Variants in TP73 observed in about 807,000 individuals in gnomAD.
TP73 encodes tumor protein p73.
TP73 carries 25 observed loss-of-function variants against 62.5 expected under a neutral mutation model. The observed-to-expected ratio is 0.40, with a 90% CI of 0.29 to 0.56. The LOEUF is 0.56. Among genes scored for constraint, TP73 ranks in the 20% least tolerant of loss-of-function variants. The pLI, the probability that TP73 is intolerant of heterozygous loss-of-function variation, is 0.46. For synonymous variants in TP73, 423 were observed against 377.5 expected (o/e 1.12, Z -1.40); for missense variants, 754 against 913.3 (o/e 0.83, Z 2.25).
intron 1 of TP73, among the ~76,000 whole-genome samples, chr1:3,679,718 GTC>G (rs1393576362): frequency 2.4e-4 from 33 of 136,412 alleles, no homozygotes; most frequent in Non-Finnish European, 3.6e-4. Flanking sequence ...GTCTCTCTCC[GTC>G]TCTCTTTGTC....
At chr1:3,716,583 A>AGGGAG (rs1640613510) in intron 4 of TP73, among the ~76,000 whole-genome samples, 2 of 152,164 alleles carry the variant, frequency 1.3e-5, no homozygotes, top group African/African-American at 2.4e-5. Flanking sequence ...CCTCCCTGAC[A>AGGGAG]TCTGTCAGAG....
intron 1 of TP73, among the ~76,000 whole-genome samples, chr1:3,657,107 G>A (rs1644881760): frequency 6.6e-6 from 1 of 152,252 alleles, no homozygotes; most frequent in African/African-American, 2.4e-5. Context: ...GGGTCACTTT[G>A]TAAGTTTTCT....
rs146782600 is a variant in TP73, at chr1:3,733,068, G to A, written c.1900G>A (p.Glu634Lys). ...QPIKEEFTEA[E>K]IH Reference sequence around the variant, plus strand: ...CATCAAGGAGGAGTTCACGGAGGCCGAGATCCACTGAGGGCCTCGCCTGGC... The same window carrying A: ...CATCAAGGAGGAGTTCACGGAGGCCAAGATCCACTGAGGGCCTCGCCTGGC... The change falls in exon 14 of 14, where the codon GAG (glutamate) becomes AAG (lysine). Residue 634 changes from glutamate (E) to lysine (K), a missense_variant. Glu to Lys is a moderately conservative substitution (Grantham distance 56). This residue lies in a region of TP73 where 458 missense variants were observed against 528.7 expected (regional missense o/e 0.87). Coordinates refer to ENST00000378295, the MANE Select transcript of TP73 (RefSeq NM_005427.4). The A allele has an allele frequency of 4.5e-5, 69 of 1,535,054 alleles. No homozygotes were observed. The highest frequency in any genetic ancestry group is 1.7e-4 in the Middle Eastern group (1 of 5,976).
intron 4 of TP73, among the ~76,000 whole-genome samples, chr1:3,717,082 G>C (rs970125260): frequency 1.3e-5 from 2 of 152,242 alleles, no homozygotes; most frequent in African/African-American, 2.4e-5. Flanking sequence ...GCTGGTTAAC[G>C]GTATTTGCGG....
At chr1:3,717,049 T>A (rs1640656006) in intron 4 of TP73, among the ~76,000 whole-genome samples, 1 of 152,222 alleles carries the variant, frequency 6.6e-6, no homozygotes, top group Non-Finnish European at 1.5e-5. Context: ...TCTTCCAGAA[T>A]CTGTTGCAAC....
intron 1 of TP73, among the ~76,000 whole-genome samples, chr1:3,679,638 G>C (rs947500877): frequency 6.1e-5 from 9 of 146,342 alleles, no homozygotes; most frequent in Admixed American, 4.8e-4. Context: ...CTGTCTCTCT[G>C]TCTCTGTCTC....
chr1:3,730,247 G>A (rs1642026949), intron 11 of TP73, 99 bp downstream of exon 11: 2 of 1,329,034 alleles, frequency 1.5e-6, no homozygotes, highest in East Asian at 2.7e-5. Flanking sequence ...CCCAGGGCAG[G>A]TGTCTCTGTG....
At chr1:3,705,375 G>A (rs1049571775) in intron 3 of TP73, among the ~76,000 whole-genome samples, 9 of 152,254 alleles carry the variant, frequency 5.9e-5, no homozygotes, top group Non-Finnish European at 1.5e-5. Flanking sequence ...TGTGGGGAGC[G>A]CGACAGACCA....
At chr1:3,720,696 C>T (rs532523519) in intron 4 of TP73, among the ~76,000 whole-genome samples, 1 of 152,364 alleles carries the variant, frequency 6.6e-6, no homozygotes, top group East Asian at 1.9e-4. Context: ...TTTTCGTGTG[C>T]CTGCACCTGC....
rs1645218124 is a variant in TP73 at position 3,670,602 on chromosome 1, GT to G, written c.-33-11729del. On this transcript the variant is annotated intron_variant, in intron 1 of 13. Transcript: ENST00000378295. The surrounding 1 kb of genome is among the most constrained non-coding windows in gnomAD (Gnocchi z 5.9). The stretch of plus-strand genomic sequence containing the variant: ...AATCATTTGAACCTGGAAGGCGGAG[GT>G]TGCAGTGAGCTGAGATCGTACCACT... Among the ~76,000 whole-genome samples the G allele has an allele frequency of 6.6e-6, 1 of 152,102 alleles. No homozygotes were observed. The highest frequency in any genetic ancestry group is 1.5e-5 in the Non-Finnish European group (1 of 68,016).
intron 6 of TP73, among the ~76,000 whole-genome samples, chr1:3,724,450 G>C (rs995652218): frequency 3.3e-5 from 5 of 151,920 alleles, no homozygotes; most frequent in African/African-American, 1.2e-4. Flanking sequence ...CTGTACCCAG[G>C]CCCCCTTCGA....
At chr1:3,683,287 A>G in intron 3 of TP73, 107 bp downstream of exon 3, 2 of 1,402,216 alleles carry the variant, frequency 1.4e-6, no homozygotes, top group Non-Finnish European at 9.5e-7. Flanking sequence ...TCTTGGTTGT[A>G]CAGCTTCCCC....
At chr1:3,719,441 C>T (rs1557565714) in intron 4 of TP73, among the ~76,000 whole-genome samples, 1 of 152,240 alleles carries the variant, frequency 6.6e-6, no homozygotes, top group Non-Finnish European at 1.5e-5. Flanking sequence ...CAAGAGCCTG[C>T]CACCACCTGG....
chr1:3,690,741 C>T, intron 3 of TP73: 1 of 1,447,956 alleles, frequency 6.9e-7, no homozygotes. Context: ...CCCGCATGTT[C>T]CCCAGCATCC....
rs1014008675 is a variant in TP73, at chr1:3,731,048, C to A, written c.1467C>A (p.Ala489=). 94 of 1,611,696 alleles carry A rather than the reference C, an allele frequency of 5.8e-5. No individual in the cohort carries two copies. The highest frequency in any genetic ancestry group is 6.9e-5 in the Non-Finnish European group (81 of 1,179,428). Residue 489 remains alanine (A), a synonymous_variant, in exon 12 of 14, where the codon GCC becomes GCA. Coordinates refer to ENST00000378295, the MANE Select transcript of TP73 (RefSeq NM_005427.4). ...GCACTCCGCCACCCCCCTACCACGC[C>A]GACCCCAGCCTCGTCAGGTGCGTGG... ...SHCTPPPPYH[A]DPSLVSFLTG...
intron 3 of TP73, among the ~76,000 whole-genome samples, chr1:3,691,522 C>T (rs1004596406): frequency 2.0e-5 from 3 of 152,068 alleles, no homozygotes; most frequent in South Asian, 2.1e-4. Context: ...AGGCCTCTTG[C>T]GCCACCCGCC....
chr1:3,685,950 G>A (rs569107192), intron 3 of TP73, among the ~76,000 whole-genome samples: 33 of 152,348 alleles, frequency 2.2e-4, no homozygotes, highest in African/African-American at 3.4e-4. Flanking sequence ...ACACAGGCCC[G>A]GCCTCGGGTC....
At chr1:3,723,162 G>C (rs1031793509) in intron 5 of TP73, among the ~76,000 whole-genome samples, 192 bp from the exon 6 acceptor site, 5 of 148,932 alleles carry the variant, frequency 3.4e-5, no homozygotes, top group African/African-American at 1.2e-4. Context: ...CCTGGCACGG[G>C]GCCAGCACCT....
chr1:3,698,262 G>C (rs752047943), intron 3 of TP73: 8 of 282,378 alleles, frequency 2.8e-5, no homozygotes, highest in Non-Finnish European at 4.3e-5. Flanking sequence ...TCGGAGAGGG[G>C]AGAGAAGCGT....
Sources: allele counts gnomAD v4.1 joint callset (sites outside exome capture counted in the v4.1 genomes callset), GRCh38; gene constraint gnomAD v4.1.1; regional missense constraint gnomAD v4.1.1; non-coding constraint Gnocchi (gnomAD v3.1); transcripts MANE v1.5; gene names NCBI Gene and HGNC (gene_info 2026-07-23, HGNC 2026-07-21).